Variants in ITPR2 observed in about 807,000 individuals in gnomAD.
The protein encoded by ITPR2 is inositol 1,4,5-trisphosphate receptor type 2, also known as inositol 1,4,5-trisphosphate-gated calcium channel ITPR2.
ITPR2 carries 207 observed loss-of-function variants against 317.1 expected under a neutral mutation model. The ratio of observed to expected loss-of-function variants is 0.65; its 90% CI spans 0.58 to 0.73. The LOEUF (loss-of-function observed/expected upper bound fraction) is 0.73, where lower values mean the gene tolerates loss of function less well. Among genes scored for constraint, ITPR2 ranks in the 30% least tolerant of loss-of-function variants. The probability of loss-of-function intolerance (pLI) is 0.00; values close to 1 mark genes in which losing one functional copy is unlikely to be tolerated. For missense variants in ITPR2, 2,613 were observed against 3,284.0 expected, an observed-to-expected ratio of 0.80 and a Z score of 4.99; for synonymous variants, 1,156 against 1,149.1, an observed-to-expected ratio of 1.01 and a Z score of -0.12.
chr12:26,687,175 A>G (rs1232614510), intron 10 of ITPR2, among the ~76,000 whole-genome samples: 1 of 152,208 alleles, frequency 6.6e-6, no homozygotes, highest in Non-Finnish European at 1.5e-5. Context: ...AGATCTCCAC[A>G]CACAGAAGCC....
intron 1 of ITPR2, among the ~76,000 whole-genome samples, chr12:26,814,582 A>G (rs1195783635): frequency 6.6e-6 from 1 of 152,244 alleles, no homozygotes. Flanking sequence ...TTCACCATCA[A>G]GAATTTATGT....
intron 34 of ITPR2, among the ~76,000 whole-genome samples, chr12:26,568,952 C>A (rs750494608): frequency 3.3e-5 from 5 of 152,230 alleles, no homozygotes; most frequent in East Asian, 1.9e-4. Flanking sequence ...GAATAATGCA[C>A]GTAATTTTTA....
chr12:26,452,180 C>T (rs1040872303), intron 45 of ITPR2, among the ~76,000 whole-genome samples: 1 of 152,148 alleles, frequency 6.6e-6, no homozygotes, highest in Non-Finnish European at 1.5e-5. Flanking sequence ...TTGTAAACCA[C>T]TGTTCTAATA....
At chr12:26,594,675 C>A (rs1467094111) in intron 32 of ITPR2, among the ~76,000 whole-genome samples, 3 of 151,838 alleles carry the variant, frequency 2.0e-5, no homozygotes, top group African/African-American at 7.3e-5. Flanking sequence ...AACTTCAAGT[C>A]CCATAACTTT....
intron 30 of ITPR2, 26 bp downstream of exon 30, chr12:26,599,119 T>C: frequency 6.2e-7 from 1 of 1,601,738 alleles, no homozygotes; most frequent in South Asian, 1.1e-5. Context: ...TAGGTGAAGC[T>C]GATAAAAGGC....
At chr12:26,624,725 G>T (rs1228404847) in intron 23 of ITPR2, among the ~76,000 whole-genome samples, 18 of 151,090 alleles carry the variant, frequency 1.2e-4, no homozygotes, top group Admixed American at 1.2e-3. Flanking sequence ...TACACTGTTG[G>T]TGGGAATGTA....
At chr12:26,445,135 G>A (rs1312133198) in intron 45 of ITPR2, among the ~76,000 whole-genome samples, 1 of 152,014 alleles carries the variant, frequency 6.6e-6, no homozygotes, top group Non-Finnish European at 1.5e-5. Flanking sequence ...CTGGATCTGG[G>A]GCATGAAAGA....
chr12:26,631,346 A>G (rs1420006086), intron 22 of ITPR2, among the ~76,000 whole-genome samples: 1 of 152,208 alleles, frequency 6.6e-6, no homozygotes, highest in African/African-American at 2.4e-5. Flanking sequence ...TTTGTCCTTT[A>G]GAAACAAAAA....
At chr12:26,569,686 G>A (rs946057502) in intron 34 of ITPR2, among the ~76,000 whole-genome samples, 2 of 151,934 alleles carry the variant, frequency 1.3e-5, no homozygotes, top group Non-Finnish European at 2.9e-5. Context: ...GAAAGCACAA[G>A]AAGTGACAGT....
At chr12:26,375,207 C>A (rs1217367294) in intron 55 of ITPR2, among the ~76,000 whole-genome samples, 1 of 152,170 alleles carries the variant, frequency 6.6e-6, no homozygotes, top group African/African-American at 2.4e-5. Context: ...CAAGATCTTA[C>A]CGTAATGACT....
intron 34 of ITPR2, among the ~76,000 whole-genome samples, chr12:26,574,102 C>T (rs544251043): frequency 4.6e-5 from 7 of 152,106 alleles, no homozygotes; most frequent in African/African-American, 1.4e-4. Flanking sequence ...CACTGTGACC[C>T]CTAAGGTTTT....
intron 55 of ITPR2, among the ~76,000 whole-genome samples, chr12:26,374,709 G>A (rs950246310): frequency 2.0e-5 from 3 of 152,174 alleles, no homozygotes; most frequent in African/African-American, 7.2e-5. Flanking sequence ...GAGTACAGAG[G>A]AGGAAACAGA....
intron 10 of ITPR2, among the ~76,000 whole-genome samples, chr12:26,691,754 C>T (rs1038291372): frequency 6.6e-6 from 1 of 151,982 alleles, no homozygotes. Context: ...CGTTGCAATT[C>T]TGTTGTTGGG....
chr12:26,737,091 G>A (rs908101525), intron 2 of ITPR2, among the ~76,000 whole-genome samples: 8 of 152,018 alleles, frequency 5.3e-5, no homozygotes, highest in African/African-American at 9.7e-5. Flanking sequence ...GGGGAAACTC[G>A]CCAGCAATTG....
chr12:26,762,193 A>G (rs544191214), intron 2 of ITPR2, among the ~76,000 whole-genome samples: 1 of 152,376 alleles, frequency 6.6e-6, no homozygotes, highest in East Asian at 1.9e-4. Context: ...AAATAATAAC[A>G]GAATACTTCC....
At chr12:26,403,907 G>A (rs1591993841) in intron 52 of ITPR2, among the ~76,000 whole-genome samples, 3 of 152,196 alleles carry the variant, frequency 2.0e-5, no homozygotes, top group Admixed American at 6.5e-5. Context: ...CGAAGCTGGA[G>A]CGATAAACTG....
chr12:26,389,488 C>T (rs944910869), intron 54 of ITPR2, among the ~76,000 whole-genome samples: 16 of 145,234 alleles, frequency 1.1e-4, no homozygotes, highest in Non-Finnish European at 1.5e-4. Context: ...GGCCTCTTTG[C>T]TTTTTTTTTT....
chr12:26,727,699 G>A (rs1212260175), intron 2 of ITPR2, among the ~76,000 whole-genome samples: 1 of 152,138 alleles, frequency 6.6e-6, no homozygotes, highest in Non-Finnish European at 1.5e-5. Flanking sequence ...CACGAACAGG[G>A]GTTAAGCCTC....
At chr12:26,714,386 C>G (rs1948701721) in intron 8 of ITPR2, among the ~76,000 whole-genome samples, 1 of 152,164 alleles carries the variant, frequency 6.6e-6, no homozygotes, top group South Asian at 2.1e-4. Flanking sequence ...AACCACTTCT[C>G]TCAAATCCAA....
Sources: allele counts gnomAD v4.1 joint callset (sites outside exome capture counted in the v4.1 genomes callset), GRCh38; gene constraint gnomAD v4.1.1; transcripts MANE v1.5; gene names NCBI Gene and HGNC (gene_info 2026-07-23, HGNC 2026-07-21).